The following MYO9A variants were observed in gnomAD, a reference collection of about 807,000 sequenced individuals.
MYO9A encodes the protein myosin IXA.
A neutral mutation model predicts 293.3 loss-of-function variants in MYO9A; 103 were observed. The observed-to-expected ratio is 0.35, with a 90% CI of 0.30 to 0.41. The LOEUF is 0.41. Ranked by LOEUF, MYO9A falls within the 10% of genes least tolerant of loss-of-function variation. The probability of loss-of-function intolerance (pLI) is 1.00; values close to 1 mark genes in which losing one functional copy is unlikely to be tolerated. For missense variants in MYO9A, 2,685 were observed against 3,033.0 expected (o/e 0.89, Z 2.69); for synonymous variants, 1,001 against 1,035.7 (o/e 0.97, Z 0.64).
chr15:71,975,390 C>CATGT (rs142883965), intron 12 of MYO9A, among the ~76,000 whole-genome samples: 1 of 86,686 alleles, frequency 1.2e-5, no homozygotes, highest in African/African-American at 5.2e-5. Context: ...GTGATTTTAT[C>CATGT]GTGTGTGTGT....
chr15:71,979,180 A>C (rs1304416043), intron 11 of MYO9A, among the ~76,000 whole-genome samples: 1 of 152,172 alleles, frequency 6.6e-6, no homozygotes, highest in Non-Finnish European at 1.5e-5. Flanking sequence ...ATTATTATCC[A>C]GTAAAGAAGA....
intron 4 of MYO9A, among the ~76,000 whole-genome samples, chr15:72,026,698 A>C (rs551654526): frequency 6.6e-6 from 1 of 152,282 alleles, no homozygotes; most frequent in South Asian, 2.1e-4. Context: ...ACTTTTATCT[A>C]AACTGATGAG....
intron 4 of MYO9A, among the ~76,000 whole-genome samples, chr15:72,025,265 C>T (rs1171977589): frequency 6.6e-6 from 1 of 152,108 alleles, no homozygotes; most frequent in African/African-American, 2.4e-5. Context: ...AGAAGGCCAT[C>T]TTATAATGAC....
In MYO9A at chr15:71,849,525, C is replaced by T. The variant is rs943696530; in HGVS notation, c.6713+511G>A. Among the ~76,000 whole-genome samples, 14 of 152,094 alleles carry T rather than the reference C, an allele frequency of 9.2e-5. No homozygotes were observed. The East Asian group carries it at 1.2e-3, about 13-fold the overall frequency. ...TACAAATCCCAATGCCCAGGCTACACGCTACACCAATTAAATCAGACTCTC... is the reference window on the plus strand; with the variant it reads ...TACAAATCCCAATGCCCAGGCTACATGCTACACCAATTAAATCAGACTCTC... On this transcript the variant is annotated intron_variant, in intron 38 of 41. Transcript: ENST00000356056.
intron 39 of MYO9A, among the ~76,000 whole-genome samples, chr15:71,835,951 A>G (rs2054923370): frequency 6.6e-6 from 1 of 152,102 alleles, no homozygotes; most frequent in Non-Finnish European, 1.5e-5. Flanking sequence ...CCAATTTATA[A>G]TAAAAGGGGA....
intron 26 of MYO9A, chr15:71,891,932 A>C (rs950036739): frequency 6.6e-6 from 1 of 152,242 alleles, no homozygotes; most frequent in Non-Finnish European, 1.5e-5. Context: ...GAGTCAAATA[A>C]AGACCATTCT....
chr15:71,933,575 T>TTTTTGTATCCAA, intron 18 of MYO9A, 95 bp downstream of exon 18: 1 of 1,150,344 alleles, frequency 8.7e-7, no homozygotes, highest in Non-Finnish European at 1.3e-6. Context: ...CAAATAAGGT[T>TTTTTGTATCCAA]ATTTCTTGTT....
rs139152952 is a variant in MYO9A, at chr15:71,951,921, A to G, written c.2183-25T>C. 893 of 1,228,910 alleles carry G rather than the reference A, an allele frequency of 7.3e-4. 3 individuals are homozygous for G. In the African/African-American group the frequency reaches 0.013, roughly 18 times the overall value. 76.1% of individuals were successfully genotyped at this position (1,228,910 alleles called of 1,614,324 possible). On this transcript the variant is annotated intron_variant, in intron 14 of 41. Transcript: ENST00000356056. ...CCTTAGGAAGCAAAAAAAAACAAAC[A>G]AAAAAAAAAGGAGAAAAGAAAAAGA...
chr15:72,100,663 G>A (rs1359843258), intron 1 of MYO9A, among the ~76,000 whole-genome samples: 2 of 151,902 alleles, frequency 1.3e-5, no homozygotes, highest in African/African-American at 4.8e-5. Context: ...CCCCGTCTGG[G>A]AGGTGAGGAG....
chr15:72,051,583 TC>T (rs2078565998), intron 1 of MYO9A, among the ~76,000 whole-genome samples: 1 of 152,040 alleles, frequency 6.6e-6, no homozygotes, highest in African/African-American at 2.4e-5. Context: ...AGGTGTTTGC[TC>T]CCACTGCCTG....
intron 8 of MYO9A, among the ~76,000 whole-genome samples, chr15:72,007,111 T>G (rs13379635): frequency 0.022 from 3,416 of 152,210 alleles, 124 homozygotes; most frequent in African/African-American, 0.08. Context: ...TAGATACAGA[T>G]GATTACATAT....
At chr15:71,962,745 C>G (rs996020164) in intron 13 of MYO9A, among the ~76,000 whole-genome samples, 2 of 152,096 alleles carry the variant, frequency 1.3e-5, no homozygotes, top group Non-Finnish European at 2.9e-5. Flanking sequence ...ACAATAAGTA[C>G]CAGTGCAGAA....
rs765348310 is a variant in MYO9A at position 71,938,854 on chromosome 15, T to C, written c.2376A>G (p.Gln792=). Residue 792 remains glutamine, a splice_region_variant and synonymous_variant, in exon 16 of 42, where the codon CAA becomes CAG. Coordinates refer to ENST00000356056, the MANE Select transcript of MYO9A (RefSeq NM_006901.4). Reference sequence around the variant, plus strand: ...AAACATAAACCAAACACACTTACTGTTGGTTTTTTTCATTTAGAGCATTCA... The same window carrying C: ...AAACATAAACCAAACACACTTACTGCTGGTTTTTTTCATTTAGAGCATTCA... ...QGMNALNEKN[Q]HDTFDIAWNG... is the part of the protein sequence containing the mutation. 82 of 1,607,680 alleles carry C rather than the reference T, an allele frequency of 5.1e-5. No individual in the cohort carries two copies. The highest frequency in any genetic ancestry group is 6.1e-5 in the Non-Finnish European group (72 of 1,176,432).
At chr15:71,880,666 C>T (rs1423148319) in intron 28 of MYO9A, 108 bp from the exon 29 acceptor site, 3 of 919,706 alleles carry the variant, frequency 3.3e-6, no homozygotes, top group Admixed American at 2.6e-5. Context: ...AGGAAACATG[C>T]AAATATATGA....
chr15:71,960,021 T>C lies in MYO9A; in HGVS notation c.2062A>G (p.Ile688Val), dbSNP rs542329328. Residue 688 changes from isoleucine to valine, a missense_variant, in exon 14 of 42, where the codon ATC becomes GTC. Physicochemically the swap from Ile to Val is conservative, Grantham distance 29 (BLOSUM62 3). Around this residue, in one of 10 missense-constraint regions of MYO9A, gnomAD observed 201 missense variants for 245.2 expected, o/e 0.82. Transcript: ENST00000356056. ...ALLRSSKNAF[I>V]SGMIGIDPVA... ...GGATCAATTCCAATCATCCCAGAGATAAATGCATTCTTGCTGCTTCTCAGA... is the reference window on the plus strand; with the variant it reads ...GGATCAATTCCAATCATCCCAGAGACAAATGCATTCTTGCTGCTTCTCAGA... The C allele has an allele frequency of 2.5e-5, 41 of 1,614,012 alleles. No individual in the cohort carries two copies. The South Asian group carries it at 3.5e-4, about 14-fold the overall frequency.
At position 72,045,941 on chromosome 15, in the gene MYO9A, A is replaced by C; in HGVS notation, c.623T>G (p.Leu208Arg). 1 of 1,614,160 alleles carries C rather than the reference A, an allele frequency of 6.2e-7. No individual in the cohort carries two copies. The highest frequency in any genetic ancestry group is 8.5e-7 in the Non-Finnish European group (1 of 1,180,026). The change falls in exon 2 of 42, where the codon CTG becomes CGG. Residue 208 changes from leucine (L) to arginine (R), a missense_variant. This residue lies in a region of MYO9A where 289 missense variants were observed against 456.8 expected (regional missense o/e 0.63). Transcript: ENST00000356056. ...ATAAATGTGGGGCTCAAGTTTTCCC[A>C]GTTGGTGGTTATCATACATTTTGAC... Reference protein sequence around the residue: ...KYVKMYDNHQLGKLEPHIYAV... With the variant: ...KYVKMYDNHQRGKLEPHIYAV...
chr15:72,099,522 A>C (rs372352419), intron 1 of MYO9A, among the ~76,000 whole-genome samples: 210 of 151,428 alleles, frequency 1.4e-3, no homozygotes, highest in African/African-American at 4.5e-3. Context: ...GAATCACTCG[A>C]GCCTGGGAGG....
At chr15:71,899,252 CA>C (rs1339020990) in intron 24 of MYO9A, among the ~76,000 whole-genome samples, 1 of 152,272 alleles carries the variant, frequency 6.6e-6, no homozygotes, top group African/African-American at 2.4e-5. Context: ...GCATTTCAGT[CA>C]AAATGTAAAC....
At chr15:71,966,265 A>AGTGTGTGT (rs377708464) in intron 13 of MYO9A, among the ~76,000 whole-genome samples, 16,508 of 134,750 alleles carry the variant, frequency 0.12, 1,277 homozygotes, top group East Asian at 0.21. Context: ...ATCCCAGGCA[A>AGTGTGTGT]GTGTGTGTGT....
Sources: gnomAD v4.1 joint callset for allele counts (sites outside exome capture counted in the v4.1 genomes callset) on GRCh38, gnomAD v4.1.1 for gene constraint, gnomAD v4.1.1 regional missense constraint, MANE v1.5 for transcripts, NCBI Gene and HGNC (gene_info 2026-07-23, HGNC 2026-07-21) for gene names.